Variants in SLC4A10 observed in about 807,000 individuals in gnomAD.
SLC4A10 encodes the protein solute carrier family 4 member 10, also known as sodium-driven chloride bicarbonate exchanger.
Under a neutral mutation model 137.7 loss-of-function variants are expected in SLC4A10, and 42 were observed. The ratio of observed to expected loss-of-function variants is 0.30; its 90% CI spans 0.24 to 0.39. The LOEUF (loss-of-function observed/expected upper bound fraction) is 0.39, where lower values mean the gene tolerates loss of function less well. Ranked by LOEUF, SLC4A10 falls within the 10% of genes least tolerant of loss-of-function variation. The pLI is 1.00. For synonymous variants in SLC4A10, 474 were observed against 464.1 expected (o/e 1.02, Z -0.27); for missense variants, 925 against 1,355.0 (o/e 0.68, Z 4.98).
At chr2:161,872,247 A>T (rs1219199246) in intron 6 of SLC4A10, 46 bp from the exon 7 acceptor site, 1 of 1,476,212 alleles carries the variant, frequency 6.8e-7, no homozygotes, top group South Asian at 1.1e-5. Flanking sequence ...TATGTCTACA[A>T]CTATGTAAGT....
chr2:161,762,853 A>C (rs2050393125), intron 1 of SLC4A10, among the ~76,000 whole-genome samples: 1 of 152,078 alleles, frequency 6.6e-6, no homozygotes, highest in Non-Finnish European at 1.5e-5. Flanking sequence ...TGAAAATGAA[A>C]AACACTTAAA....
chr2:161,831,415 A>T (rs1415485252), intron 3 of SLC4A10, among the ~76,000 whole-genome samples: 1 of 152,130 alleles, frequency 6.6e-6, no homozygotes, highest in Non-Finnish European at 1.5e-5. Flanking sequence ...GTTTTATTGA[A>T]CTAACATTGA....
chr2:161,735,544 C>T (rs916571253), intron 1 of SLC4A10, among the ~76,000 whole-genome samples: 1 of 152,090 alleles, frequency 6.6e-6, no homozygotes, highest in African/African-American at 2.4e-5. Flanking sequence ...ATGCCTTCCC[C>T]AGTCATGCTG....
chr2:161,945,187 TATA>T (rs1559596642), intron 16 of SLC4A10, among the ~76,000 whole-genome samples: 1 of 3,550 alleles, frequency 2.8e-4, no homozygotes, highest in East Asian at 1.8e-3. Context: ...TGTGTGTATA[TATA>T]TATATATATA....
chr2:161,655,536 A>G (rs1390728021), intron 1 of SLC4A10, among the ~76,000 whole-genome samples: 1 of 152,198 alleles, frequency 6.6e-6, no homozygotes, highest in Non-Finnish European at 1.5e-5. Context: ...AGATTAAATT[A>G]GTCACCAAAA....
intron 1 of SLC4A10, among the ~76,000 whole-genome samples, chr2:161,744,820 G>A (rs1169345026): frequency 6.6e-6 from 1 of 150,398 alleles, no homozygotes; most frequent in Non-Finnish European, 1.5e-5. Flanking sequence ...AAAAGATATT[G>A]TAGTTTTATT....
At chr2:161,699,209 A>G (rs966628884) in intron 1 of SLC4A10, among the ~76,000 whole-genome samples, 1 of 151,822 alleles carries the variant, frequency 6.6e-6, no homozygotes, top group African/African-American at 2.4e-5. Context: ...TTTAGTAGAG[A>G]CGGGGTTTCA....
intron 23 of SLC4A10, among the ~76,000 whole-genome samples, chr2:161,970,960 AT>A (rs1237993872): frequency 6.6e-6 from 1 of 152,120 alleles, no homozygotes. Context: ...TTTATTCCTC[AT>A]TTTATGGTTG....
intron 6 of SLC4A10, among the ~76,000 whole-genome samples, chr2:161,863,450 C>T (rs1260263005): frequency 6.6e-6 from 1 of 152,158 alleles, no homozygotes; most frequent in Non-Finnish European, 1.5e-5. Context: ...TTAAAGGAAT[C>T]ATGATCATCA....
intron 3 of SLC4A10, among the ~76,000 whole-genome samples, chr2:161,835,269 C>T (rs2058695018): frequency 6.6e-6 from 1 of 152,070 alleles, no homozygotes. Context: ...GAACTCCTGA[C>T]CTTGTGATCC....
chr2:161,939,302 C>T (rs949604285), intron 15 of SLC4A10, among the ~76,000 whole-genome samples: 1 of 152,066 alleles, frequency 6.6e-6, no homozygotes, highest in Non-Finnish European at 1.5e-5. Flanking sequence ...GTCTCGATCT[C>T]TTGACCTTGT....
chr2:161,671,115 T>G (rs898093606), intron 1 of SLC4A10, among the ~76,000 whole-genome samples: 4 of 152,176 alleles, frequency 2.6e-5, no homozygotes, highest in Non-Finnish European at 5.9e-5. Flanking sequence ...TGTGATAGTA[T>G]TAAAAGGTGG....
intron 15 of SLC4A10, among the ~76,000 whole-genome samples, chr2:161,940,565 G>C (rs1348297938): frequency 6.6e-6 from 1 of 152,184 alleles, no homozygotes; most frequent in Non-Finnish European, 1.5e-5. Flanking sequence ...GCGCGTCAGA[G>C]ATTTTCCCCA....
intron 1 of SLC4A10, among the ~76,000 whole-genome samples, chr2:161,711,625 C>T (rs1160553885): frequency 6.6e-6 from 1 of 151,742 alleles, no homozygotes; most frequent in Non-Finnish European, 1.5e-5. Context: ...CAAACTGGAA[C>T]ACGCTGCCTG....
At chr2:161,896,984 G>C (rs889323064) in intron 11 of SLC4A10, among the ~76,000 whole-genome samples, 1 of 152,000 alleles carries the variant, frequency 6.6e-6, no homozygotes, top group Non-Finnish European at 1.5e-5. Context: ...AAATTGGCAA[G>C]CATTAGGAAA....
intron 8 of SLC4A10, among the ~76,000 whole-genome samples, chr2:161,876,816 A>C (rs544779497): frequency 6.6e-6 from 1 of 152,118 alleles, no homozygotes; most frequent in East Asian, 1.9e-4. Flanking sequence ...AATATAGAAT[A>C]ATATAATTAG....
intron 15 of SLC4A10, among the ~76,000 whole-genome samples, chr2:161,910,463 C>A (rs1335001649): frequency 6.6e-6 from 1 of 151,870 alleles, no homozygotes; most frequent in African/African-American, 2.4e-5. Context: ...TAAGAAATGG[C>A]AAAAATAGAA....
chr2:161,974,115 A>G, intron 23 of SLC4A10, 134 bp from the exon 24 acceptor site: 1 of 624,228 alleles, frequency 1.6e-6, no homozygotes, highest in South Asian at 3.0e-5. Context: ...GACCTGTGCT[A>G]ACATTAATAA....
chr2:161,781,482 A>G (rs776976118), intron 2 of SLC4A10, among the ~76,000 whole-genome samples: 4 of 152,096 alleles, frequency 2.6e-5, no homozygotes, highest in Non-Finnish European at 5.9e-5. Context: ...TAAGATATCT[A>G]TATATGTATT....
Sources: gnomAD v4.1 joint callset for allele counts (sites outside exome capture counted in the v4.1 genomes callset) on GRCh38, gnomAD v4.1.1 for gene constraint, MANE v1.5 for transcripts, NCBI Gene and HGNC (gene_info 2026-07-23, HGNC 2026-07-21) for gene names.